Variants in DOCK3 observed in about 807,000 individuals in gnomAD.
DOCK3 encodes dedicator of cytokinesis protein 3.
DOCK3 carries 60 observed loss-of-function variants against 265.6 expected under a neutral mutation model. The observed-to-expected ratio is 0.23, with a 90% CI of 0.18 to 0.28. The LOEUF (loss-of-function observed/expected upper bound fraction) is 0.28. Among genes scored for constraint, DOCK3 ranks in the 10% least tolerant of loss-of-function variants. The pLI, the probability that DOCK3 is intolerant of heterozygous loss-of-function variation, is 1.00. For missense variants in DOCK3, 1,981 were observed against 2,594.3 expected, an observed-to-expected ratio of 0.76 and a Z score of 5.14; for synonymous variants, 881 against 938.0, an observed-to-expected ratio of 0.94 and a Z score of 1.11.
chr3:51,004,717 T>G (rs1277796115), intron 5 of DOCK3, among the ~76,000 whole-genome samples: 1 of 14,272 alleles, frequency 7.0e-5, no homozygotes, highest in Non-Finnish European at 2.6e-4. Context: ...GATTTAAGTT[T>G]TTTTTTTTTT....
At position 51,225,637 on chromosome 3, in the gene DOCK3, C is replaced by T; in HGVS notation, c.1253-12C>T. 2 of 1,606,418 alleles carry T rather than the reference C, an allele frequency of 1.2e-6. No individual in the cohort carries two copies. Among genetic ancestry groups the T allele is most frequent in the East Asian group, 2.2e-5 (1 of 44,766 alleles). On this transcript the variant is annotated splice_polypyrimidine_tract_variant and intron_variant, in intron 14 of 52. Transcript: ENST00000266037. Reference sequence around the variant, plus strand: ...CTGGAGTCATAAGGATGTGGCATTTCTTTCCCCGCAGGTGATATCCGCAAT... The same window carrying T: ...CTGGAGTCATAAGGATGTGGCATTTTTTTCCCCGCAGGTGATATCCGCAAT...
At chr3:51,172,730 G>C (rs1247589930) in intron 12 of DOCK3, among the ~76,000 whole-genome samples, 1 of 151,818 alleles carries the variant, frequency 6.6e-6, no homozygotes, top group Non-Finnish European at 1.5e-5. Context: ...TTCCTCTCTT[G>C]CTTGTCTTTC....
At chr3:50,755,622 T>C (rs1276052736) in intron 1 of DOCK3, among the ~76,000 whole-genome samples, 2 of 152,174 alleles carry the variant, frequency 1.3e-5, no homozygotes, top group Non-Finnish European at 2.9e-5. Flanking sequence ...TTCAGGACAT[T>C]TTCATCTCCC....
At position 51,312,883 on chromosome 3, in the gene DOCK3, C is replaced by T. The variant is rs2083165552; in HGVS notation, c.3234C>T (p.Phe1078=). ...DMRVMMAYEL[F]SMWQNLGEHK... is the part of the protein sequence containing the mutation. The stretch of plus-strand genomic sequence containing the variant: ...GTGTAATGATGGCCTATGAACTGTT[C>T]AGCATGTGGCAGAATTTGGGTAGGT... Residue 1078 remains phenylalanine, a synonymous_variant, in exon 31 of 53, where the codon TTC becomes TTT. Coordinates refer to ENST00000266037, the MANE Select transcript of DOCK3 (RefSeq NM_004947.5). 6.2e-7 allele frequency: 1 copy of T among 1,609,196 alleles called. No homozygotes were observed. The highest frequency in any genetic ancestry group is 8.5e-7 in the Non-Finnish European group (1 of 1,177,636).
At chr3:51,223,949 C>A (rs1415956855) in intron 14 of DOCK3, among the ~76,000 whole-genome samples, 1 of 152,126 alleles carries the variant, frequency 6.6e-6, no homozygotes, top group Non-Finnish European at 1.5e-5. Flanking sequence ...CAGGAGGGCC[C>A]AAGCAGCAAT....
chr3:50,809,535 A>G (rs897580586), intron 2 of DOCK3, among the ~76,000 whole-genome samples: 1 of 152,238 alleles, frequency 6.6e-6, no homozygotes, highest in African/African-American at 2.4e-5. Context: ...GAATATACAC[A>G]TACCTTATAA....
Position 51,374,496 on chromosome 3 carries a change from G to A in DOCK3, c.5321G>A (p.Arg1774His), listed in dbSNP as rs751113149. The A allele has an allele frequency of 1.1e-5, 18 of 1,613,566 alleles. No individual in the cohort carries two copies. The highest frequency in any genetic ancestry group is 2.2e-5 in the East Asian group (1 of 44,868). Residue 1774 changes from arginine to histidine, a missense_variant, in exon 50 of 53, where the codon CGC becomes CAC. Physicochemically the swap from Arg to His is conservative, Grantham distance 29 (BLOSUM62 0). Around this residue, in one of 4 missense-constraint regions of DOCK3, gnomAD observed 1,357 missense variants for 1,866.8 expected, o/e 0.73. Coordinates refer to ENST00000266037, the MANE Select transcript of DOCK3 (RefSeq NM_004947.5). This position sits in a 1 kb window ranked among gnomAD's most constrained non-coding sequence, Gnocchi z 4.8. ...TCTCCCTCTCTGCCAGATAAGTACCGCCATGCCCGTGAAATGATGTTGTTG... is the reference window on the plus strand; with the variant it reads ...TCTCCCTCTCTGCCAGATAAGTACCACCATGCCCGTGAAATGATGTTGTTG... ...RGSPSLPDKY[R>H]HAREMMLLLP... is the part of the protein sequence containing the mutation.
At chr3:50,909,641 GTT>G (rs71633043) in intron 4 of DOCK3, among the ~76,000 whole-genome samples, 5 of 98,686 alleles carry the variant, frequency 5.1e-5, no homozygotes, top group Admixed American at 2.5e-4. Flanking sequence ...TACCCTTAAC[GTT>G]TTTTTTTTTT....
intron 23 of DOCK3, among the ~76,000 whole-genome samples, chr3:51,265,963 C>T (rs61660900): frequency 6.6e-6 from 1 of 152,008 alleles, no homozygotes; most frequent in African/African-American, 2.4e-5. Context: ...GTCTCAGCCC[C>T]AAATCTCCTT....
chr3:50,900,823 A>G, intron 4 of DOCK3: 1 of 412,556 alleles, frequency 2.4e-6, no homozygotes. Context: ...GCTGCAGAAC[A>G]GCAAAGATTG....
At chr3:51,206,947 T>C (rs1268389958) in intron 12 of DOCK3, among the ~76,000 whole-genome samples, 1 of 152,172 alleles carries the variant, frequency 6.6e-6, no homozygotes, top group African/African-American at 2.4e-5. Flanking sequence ...TTCCTCTCAG[T>C]GAGAGGGCAT....
intron 2 of DOCK3, among the ~76,000 whole-genome samples, chr3:50,782,050 T>C (rs948896229): frequency 6.6e-6 from 1 of 152,184 alleles, no homozygotes; most frequent in African/African-American, 2.4e-5. Context: ...ATTGATTCCA[T>C]GTCTTTGCTA....
intron 5 of DOCK3, among the ~76,000 whole-genome samples, chr3:50,977,435 T>G (rs964951829): frequency 2.0e-5 from 3 of 152,216 alleles, no homozygotes; most frequent in African/African-American, 4.8e-5. Context: ...AATTCTGGGT[T>G]GAAAATTCTT....
At chr3:51,044,984 G>T (rs2080711255) in intron 5 of DOCK3, among the ~76,000 whole-genome samples, 2 of 152,080 alleles carry the variant, frequency 1.3e-5, no homozygotes, top group African/African-American at 4.8e-5. Context: ...TTAGTAATGA[G>T]ACTGGTTTGC....
At chr3:51,314,104 A>G (rs572803292) in intron 31 of DOCK3, among the ~76,000 whole-genome samples, 39 of 152,298 alleles carry the variant, frequency 2.6e-4, no homozygotes, top group African/African-American at 8.7e-4. Flanking sequence ...TATCTCCTCA[A>G]TAGTCTCTGA....
At chr3:50,722,275 A>G (rs1002752650) in intron 1 of DOCK3, among the ~76,000 whole-genome samples, 12 of 152,168 alleles carry the variant, frequency 7.9e-5, no homozygotes, top group African/African-American at 2.9e-4. Flanking sequence ...TGGCTGTGTA[A>G]ATCAGAGAGA....
intron 3 of DOCK3, among the ~76,000 whole-genome samples, chr3:50,879,511 C>G (rs1169831646): frequency 6.6e-6 from 1 of 152,058 alleles, no homozygotes; most frequent in Non-Finnish European, 1.5e-5. Flanking sequence ...TTTAAACCAA[C>G]AAAGATCAAA....
At chr3:51,082,695 A>G (rs778550511) in intron 7 of DOCK3, among the ~76,000 whole-genome samples, 46 of 152,304 alleles carry the variant, frequency 3.0e-4, no homozygotes, top group Middle Eastern at 3.4e-3. Flanking sequence ...ACATAAGTGC[A>G]TAGTCCAAGG....
At chr3:51,367,916 C>T (rs1034142413) in intron 49 of DOCK3, among the ~76,000 whole-genome samples, 1 of 152,072 alleles carries the variant, frequency 6.6e-6, no homozygotes. Flanking sequence ...CTCTGGTGGC[C>T]CTCAACATTT....
Sources: allele counts gnomAD v4.1 joint callset (sites outside exome capture counted in the v4.1 genomes callset), GRCh38; gene constraint gnomAD v4.1.1; regional missense constraint gnomAD v4.1.1; non-coding constraint Gnocchi (gnomAD v3.1); transcripts MANE v1.5; gene names NCBI Gene and HGNC (gene_info 2026-07-23, HGNC 2026-07-21).